Variants in MAP2K7 observed in about 807,000 individuals in gnomAD.
MAP2K7 encodes the protein mitogen-activated protein kinase kinase 7, also known as dual specificity mitogen-activated protein kinase kinase 7.
In MAP2K7, 12 loss-of-function variants were observed where a neutral mutation model predicts 47.7. The observed-to-expected ratio is 0.25, with a 90% CI of 0.16 to 0.41. The LOEUF (loss-of-function observed/expected upper bound fraction) is 0.41. MAP2K7 is among the 10% of genes least tolerant of loss of function. The pLI is 1.00. For synonymous variants in MAP2K7, 299 were observed against 243.0 expected (o/e 1.23, Z -2.14); for missense variants, 415 against 600.3 (o/e 0.69, Z 3.23).
intron 3 of MAP2K7, 22 bp from the exon 4 acceptor site, chr19:7,910,238 C>T: frequency 1.2e-6 from 2 of 1,611,060 alleles, no homozygotes; most frequent in South Asian, 2.2e-5. Flanking sequence ...CAGGGACCCT[C>T]CAACCCTCCC....
In MAP2K7 at chr19:7,912,641, T is replaced by C; in HGVS notation, c.*210T>C. On this transcript the variant is annotated 3_prime_UTR_variant, in exon 11 of 11. Coordinates refer to ENST00000397979, the MANE Select transcript of MAP2K7 (RefSeq NM_145185.4). ...CCCACCCCGGGGTCAGCCGGCCGTG[T>C]GCGTCCCCCGACAGACACTGTGAAC... 1.7e-6 allele frequency: 1 copy of C among 600,224 alleles called. No homozygotes were observed. The highest frequency in any genetic ancestry group is 2.9e-6 in the Non-Finnish European group (1 of 344,906). The allele number at this position is 600,224 out of a possible 1,614,324, so 37.2% of individuals were successfully genotyped here.
At position 7,912,506 on chromosome 19, in the gene MAP2K7, C is replaced by T; in HGVS notation, c.*75C>T. On this transcript the variant is annotated 3_prime_UTR_variant, in exon 11 of 11. Coordinates refer to ENST00000397979, the MANE Select transcript of MAP2K7 (RefSeq NM_145185.4). ...CCCCCCTCCCCACTTGGCCACCCAG[C>T]TGCCTGCCAGGGGAGACCTGGGACC... 6.6e-7 allele frequency: 1 copy of T among 1,506,412 alleles called. No homozygotes were observed. Among genetic ancestry groups the T allele is most frequent in the Non-Finnish European group, 8.8e-7 (1 of 1,130,286 alleles). 93.3% of individuals were successfully genotyped at this position (1,506,412 alleles called of 1,614,324 possible).
chr19:7,906,025 C>T, intron 1 of MAP2K7: 1 of 681,440 alleles, frequency 1.5e-6, no homozygotes, highest in Non-Finnish European at 2.6e-6. Context: ...CAGCCCAGCC[C>T]AGCCTCCTCT....
At chr19:7,904,980 T>C (rs1982352369) in intron 1 of MAP2K7, among the ~76,000 whole-genome samples, 1 of 151,560 alleles carries the variant, frequency 6.6e-6, no homozygotes, top group African/African-American at 2.4e-5. Context: ...GGTACCTACC[T>C]CCCTGACACC....
rs766390420 is a variant in MAP2K7, at chr19:7,912,416, G to A, written c.1245G>A (p.Leu415=). Residue 415 remains leucine, a synonymous_variant, in exon 11 of 11, where the codon CTG becomes CTA. Coordinates refer to ENST00000397979, the MANE Select transcript of MAP2K7 (RefSeq NM_145185.4). The part of the protein sequence containing the change: ...RTSGVLSQPH[L]PFFR ...GCGGCGTCCTGAGCCAGCCCCACCTGCCCTTCTTCAGGTAGCTGCTTGGCG... is the reference window on the plus strand; with the variant it reads ...GCGGCGTCCTGAGCCAGCCCCACCTACCCTTCTTCAGGTAGCTGCTTGGCG... 17 of 1,612,212 alleles carry A rather than the reference G, an allele frequency of 1.1e-5. No individual in the cohort carries two copies. The highest frequency in any genetic ancestry group is 1.4e-5 in the Non-Finnish European group (16 of 1,179,868).
intron 1 of MAP2K7, among the ~76,000 whole-genome samples, chr19:7,905,184 TTCTC>T (rs772752142): frequency 6.6e-6 from 1 of 152,190 alleles, no homozygotes. Context: ...CCCAGTAAAA[TTCTC>T]TCTTGTCTCC....
In MAP2K7 at chr19:7,907,224, G is replaced by A. The variant is rs941446095; in HGVS notation, c.125-2531G>A. On this transcript the variant is annotated intron_variant, in intron 1 of 10. Coordinates refer to ENST00000397979, the MANE Select transcript of MAP2K7 (RefSeq NM_145185.4). ...GGGCCGCCAGGGCTCTGAGCGCAGC[G>A]CCAGCCTGTGTGGGGCATGCAGGCT... is the stretch of plus-strand genomic sequence containing the variant. Among the ~76,000 whole-genome samples, 7 of 152,114 alleles carry A rather than the reference G, an allele frequency of 4.6e-5. No individual in the cohort carries two copies. In the South Asian group the frequency reaches 6.2e-4, roughly 13 times the overall value.
intron 1 of MAP2K7, among the ~76,000 whole-genome samples, chr19:7,907,370 C>T (rs1406627890): frequency 3.3e-5 from 5 of 152,330 alleles, no homozygotes; most frequent in South Asian, 2.1e-4. Flanking sequence ...GTTAGGTCCA[C>T]GGCATGCCCC....
intron 1 of MAP2K7, chr19:7,905,929 C>A: frequency 1.5e-6 from 2 of 1,334,172 alleles, no homozygotes; most frequent in South Asian, 1.2e-5. Flanking sequence ...CGCAGAATGG[C>A]GTCCCCCAGC....
chr19:7,912,500 A>G lies in MAP2K7; in HGVS notation c.*69A>G. On this transcript the variant is annotated 3_prime_UTR_variant, in exon 11 of 11. Coordinates refer to ENST00000397979, the MANE Select transcript of MAP2K7 (RefSeq NM_145185.4). ...CACAGGCCCCCCTCCCCACTTGGCC[A>G]CCCAGCTGCCTGCCAGGGGAGACCT... The G allele has an allele frequency of 6.6e-7, 1 of 1,518,986 alleles. No homozygotes were observed. The highest frequency in any genetic ancestry group is 2.1e-5 in the Admixed American group (1 of 48,198). 94.1% of individuals were successfully genotyped at this position (1,518,986 alleles called of 1,614,324 possible).
chr19:7,907,579 G>A (rs1201548776), intron 1 of MAP2K7, among the ~76,000 whole-genome samples: 1 of 152,140 alleles, frequency 6.6e-6, no homozygotes, highest in Non-Finnish European at 1.5e-5. Flanking sequence ...CACCTCTGTG[G>A]CCTCTGTTCT....
intron 1 of MAP2K7, chr19:7,907,056 A>C (rs1268644888): frequency 6.6e-6 from 1 of 152,492 alleles, no homozygotes; most frequent in Non-Finnish European, 1.5e-5. Context: ...AAAAAAAAAA[A>C]AAACATAAAA....
chr19:7,904,473 C>T (rs925017293), intron 1 of MAP2K7: 2 of 374,638 alleles, frequency 5.3e-6, no homozygotes, highest in East Asian at 1.4e-4. Context: ...GCCCCCCTCC[C>T]CCGGCCTGGG....
At position 7,912,304 on chromosome 19, in the gene MAP2K7, G is replaced by C. The variant is rs923590375; in HGVS notation, c.1133G>C (p.Ser378Thr). 1.2e-6 allele frequency: 2 copies of C among 1,613,654 alleles called. No homozygotes were observed. The highest frequency in any genetic ancestry group is 1.7e-6 in the Non-Finnish European group (2 of 1,179,988). ...RPKYNKLLEH[S>T]FIKRYETLEV... ...ACCCCCTCGGGCCCACAGGAACACA[G>C]CTTCATCAAGCGCTACGAGACGCTG... The change falls in exon 11 of 11, where the codon AGC becomes ACC. Residue 378 changes from serine (S) to threonine (T), a missense_variant. By Grantham distance (58) the Ser-to-Thr change is moderately conservative (BLOSUM62 1). Coordinates refer to ENST00000397979, the MANE Select transcript of MAP2K7 (RefSeq NM_145185.4).
In MAP2K7 at chr19:7,910,053, A is replaced by G. The variant is rs768542761; in HGVS notation, c.267-10A>G. The G allele has an allele frequency of 1.3e-6, 2 of 1,595,730 alleles. No individual in the cohort carries two copies. The highest frequency in any genetic ancestry group is 1.1e-5 in the South Asian group (1 of 88,718). The stretch of plus-strand genomic sequence containing the variant: ...ACCCACCTCCACCGGCACCTGCTCC[A>G]TGTCCCCAGCATTGAGATTGACCAG... On this transcript the variant is annotated splice_polypyrimidine_tract_variant and intron_variant, in intron 2 of 10. Coordinates refer to ENST00000397979, the MANE Select transcript of MAP2K7 (RefSeq NM_145185.4).
intron 9 of MAP2K7, 93 bp downstream of exon 9, chr19:7,911,671 C>A: frequency 7.7e-7 from 1 of 1,301,140 alleles, no homozygotes; most frequent in Non-Finnish European, 1.0e-6. Flanking sequence ...AGGCCGCACC[C>A]TGGGATGGGC....
chr19:7,903,916 G>A lies in MAP2K7; in HGVS notation c.-29G>A. The A allele has an allele frequency of 6.7e-7, 1 of 1,482,836 alleles. No homozygotes were observed. The allele number at this position is 1,482,836 out of a possible 1,614,324, so 91.9% of individuals were successfully genotyped here. ...CTGCCGGACTGACGGGCGGCCGGGC[G>A]GTGCGCGGCGGCGGTGGCGGCGGGG... is the stretch of plus-strand genomic sequence containing the variant. On this transcript the variant is annotated 5_prime_UTR_variant, in exon 1 of 11. Transcript: ENST00000397979.
At position 7,910,339 on chromosome 19, in the gene MAP2K7, G is replaced by A. The variant is rs748434331; in HGVS notation, c.413G>A (p.Arg138His). The change falls in exon 4 of 11, where the codon CGC becomes CAC. Residue 138 changes from arginine to histidine, a missense_variant. Around this residue, in one of 3 missense-constraint regions of MAP2K7, gnomAD observed 206 missense variants for 368.8 expected, o/e 0.56. Coordinates refer to ENST00000397979, the MANE Select transcript of MAP2K7 (RefSeq NM_145185.4). ...SGTCGQVWKM[R>H]FRKTGHVIAV... Reference sequence around the variant, plus strand: ...ACCTGCGGCCAGGTGTGGAAGATGCGCTTCCGGAAGACCGGCCACGTCATT... The same window carrying A: ...ACCTGCGGCCAGGTGTGGAAGATGCACTTCCGGAAGACCGGCCACGTCATT... The A allele has an allele frequency of 4.3e-6, 7 of 1,613,154 alleles. No homozygotes were observed. Among genetic ancestry groups the A allele is most frequent in the Admixed American group, 1.7e-5 (1 of 60,016 alleles).
At chr19:7,908,783 C>A (rs1469073362) in intron 1 of MAP2K7, among the ~76,000 whole-genome samples, 1 of 152,078 alleles carries the variant, frequency 6.6e-6, no homozygotes, top group Non-Finnish European at 1.5e-5. Context: ...GCCAGGGAGA[C>A]CCTAGCTCCT....
Sources: gnomAD v4.1 joint callset for allele counts (sites outside exome capture counted in the v4.1 genomes callset) on GRCh38, gnomAD v4.1.1 for gene constraint, gnomAD v4.1.1 regional missense constraint, MANE v1.5 for transcripts, NCBI Gene and HGNC (gene_info 2026-07-23, HGNC 2026-07-21) for gene names.